COL24A1: variants seen among roughly 807,000 people sequenced by gnomAD.
COL24A1 encodes collagen type XXIV alpha 1 chain, also known as collagen alpha-1(XXIV) chain.
COL24A1 carries 224 observed loss-of-function variants against 253.9 expected under a neutral mutation model. The observed-to-expected ratio is 0.88, with a 90% confidence interval of 0.79 to 0.99. The LOEUF (loss-of-function observed/expected upper bound fraction) is 0.99, where lower values mean the gene tolerates loss of function less well. Among genes scored for constraint, COL24A1 ranks in the 50% least tolerant of loss-of-function variants. The pLI, the probability that COL24A1 is intolerant of heterozygous loss-of-function variation, is 0.00. For synonymous variants in COL24A1, 685 were observed against 673.7 expected, an observed-to-expected ratio of 1.02 and a Z score of -0.26; for missense variants, 2,131 against 2,068.5, an observed-to-expected ratio of 1.03 and a Z score of -0.59.
At chr1:85,842,483 CT>C in intron 39 of COL24A1, 90 bp from the exon 40 acceptor site, 1 of 900,444 alleles carries the variant, frequency 1.1e-6, no homozygotes, top group Non-Finnish European at 1.7e-6. Context: ...AAATTGTTAC[CT>C]TTAGATTTTT....
At chr1:85,823,794 A>T in intron 43 of COL24A1, 56 bp from the exon 44 acceptor site, 1 of 1,473,936 alleles carries the variant, frequency 6.8e-7, no homozygotes, top group Non-Finnish European at 9.5e-7. Flanking sequence ...GACTTAAGAG[A>T]ATAGGATACT....
intron 14 of COL24A1, among the ~76,000 whole-genome samples, chr1:86,025,371 C>G (rs887324857): frequency 1.3e-5 from 2 of 151,986 alleles, no homozygotes; most frequent in African/African-American, 4.8e-5. Context: ...ATAGAGAGAC[C>G]CAGAGGATAA....
At chr1:86,055,798 A>G (rs1700621081) in intron 10 of COL24A1, among the ~76,000 whole-genome samples, 2 of 152,168 alleles carry the variant, frequency 1.3e-5, no homozygotes, top group African/African-American at 4.8e-5. Flanking sequence ...AGAGAGACTG[A>G]ATAACATCAA....
intron 8 of COL24A1, among the ~76,000 whole-genome samples, chr1:86,062,169 G>A (rs1701138931): frequency 6.6e-6 from 1 of 151,928 alleles, no homozygotes; most frequent in African/African-American, 2.4e-5. Flanking sequence ...AATATAGTTT[G>A]GCAAATAATA....
At chr1:86,103,427 A>T (rs1177821003) in intron 5 of COL24A1, among the ~76,000 whole-genome samples, 1 of 152,134 alleles carries the variant, frequency 6.6e-6, no homozygotes, top group Non-Finnish European at 1.5e-5. Flanking sequence ...TCATGATGTT[A>T]GCTGGTTTTT....
chr1:86,026,375 C>T (rs553048324), intron 14 of COL24A1, among the ~76,000 whole-genome samples: 13 of 152,312 alleles, frequency 8.5e-5, no homozygotes, highest in African/African-American at 1.9e-4. Flanking sequence ...ATAATCCCCA[C>T]ATGTCAAAGG....
intron 5 of COL24A1, among the ~76,000 whole-genome samples, chr1:86,110,970 GC>G (rs1055171697): frequency 6.6e-6 from 1 of 152,224 alleles, no homozygotes; most frequent in African/African-American, 2.4e-5. Flanking sequence ...TCCGACCGTT[GC>G]CCCTGCATGA....
chr1:85,914,992 T>C (rs1685757156), intron 24 of COL24A1, among the ~76,000 whole-genome samples: 1 of 152,166 alleles, frequency 6.6e-6, no homozygotes, highest in South Asian at 2.1e-4. Flanking sequence ...CGGTTAATTT[T>C]ATGTGTCAAG....
At chr1:85,762,850 A>G (rs1666976288) in intron 53 of COL24A1, among the ~76,000 whole-genome samples, 1 of 152,234 alleles carries the variant, frequency 6.6e-6, no homozygotes, top group Non-Finnish European at 1.5e-5. Flanking sequence ...AGAGGAATTT[A>G]TCATAGAAAA....
intron 24 of COL24A1, among the ~76,000 whole-genome samples, chr1:85,940,061 T>G (rs1478382778): frequency 6.6e-6 from 1 of 152,112 alleles, no homozygotes; most frequent in Non-Finnish European, 1.5e-5. Flanking sequence ...GGGGATGAAT[T>G]GAAGAAAAAG....
At position 85,816,816 on chromosome 1, in the gene COL24A1, A is replaced by G. The variant is rs1464633070; in HGVS notation, c.3923T>C (p.Ile1308Thr). The change falls in exon 47 of 60, where the codon ATT becomes ACT. Residue 1308 changes from isoleucine to threonine, a missense_variant. Ile to Thr is a moderately conservative substitution (Grantham distance 89). Coordinates refer to ENST00000370571, the MANE Select transcript of COL24A1 (RefSeq NM_152890.7). ...ADGISGNPGK[I>T]GPPGKQGLPG... is the part of the protein sequence containing the mutation. Reference sequence around the variant, plus strand: ...AAGTCCCTGTTTTCCTGGTGGCCCAATTTTTCCAGGGTTTCCTGAAATGCC... The same window carrying G: ...AAGTCCCTGTTTTCCTGGTGGCCCAGTTTTTCCAGGGTTTCCTGAAATGCC... 1.9e-6 allele frequency: 3 copies of G among 1,613,960 alleles called. No individual in the cohort carries two copies. Among genetic ancestry groups the G allele is most frequent in the South Asian group, 1.1e-5 (1 of 91,082 alleles).
At chr1:85,779,616 T>C (rs1668950704) in intron 52 of COL24A1, among the ~76,000 whole-genome samples, 3 of 152,288 alleles carry the variant, frequency 2.0e-5, no homozygotes, top group Non-Finnish European at 2.9e-5. Context: ...TAAAAGTACT[T>C]TGGTTCAGGG....
intron 2 of COL24A1, among the ~76,000 whole-genome samples, chr1:86,143,326 C>A (rs944127251): frequency 6.6e-6 from 1 of 152,074 alleles, no homozygotes; most frequent in Non-Finnish European, 1.5e-5. Flanking sequence ...AGAAAAGAAT[C>A]AAATTTCTGG....
chr1:86,148,379 A>C (rs1652218657), intron 1 of COL24A1, among the ~76,000 whole-genome samples: 1 of 151,878 alleles, frequency 6.6e-6, no homozygotes, highest in Admixed American at 6.6e-5. Flanking sequence ...TTTAAGTTTT[A>C]GGGTACAAGT....
At chr1:85,741,280 G>A (rs1269937233) in intron 57 of COL24A1, among the ~76,000 whole-genome samples, 1 of 152,170 alleles carries the variant, frequency 6.6e-6, no homozygotes, top group Non-Finnish European at 1.5e-5. Flanking sequence ...GTGTCAACTT[G>A]TGTGTTTGGT....
chr1:86,074,500 T>C (rs1702109114), intron 7 of COL24A1, among the ~76,000 whole-genome samples: 1 of 152,164 alleles, frequency 6.6e-6, no homozygotes, highest in Non-Finnish European at 1.5e-5. Context: ...TCCCACACCG[T>C]AATAGTGGGA....
intron 37 of COL24A1, among the ~76,000 whole-genome samples, chr1:85,855,025 T>C (rs886085173): frequency 6.6e-6 from 1 of 152,146 alleles, no homozygotes; most frequent in Non-Finnish European, 1.5e-5. Context: ...TCTTGATTTG[T>C]TTCTCAGCTG....
chr1:85,937,392 G>C lies in COL24A1; in HGVS notation c.2562+23857C>G, dbSNP rs567260466. On this transcript the variant is annotated intron_variant, in intron 24 of 59. Coordinates refer to ENST00000370571, the MANE Select transcript of COL24A1 (RefSeq NM_152890.7). ...TTAGGCACCTAAAAGGAAGAATATTGTAAGACTGGGGCCAAGAAGATGTGA... is the reference window on the plus strand; with the variant it reads ...TTAGGCACCTAAAAGGAAGAATATTCTAAGACTGGGGCCAAGAAGATGTGA... Among the ~76,000 whole-genome samples, 32 of 147,838 alleles carry C rather than the reference G, an allele frequency of 2.2e-4. 4 individuals carry two copies. The highest frequency in any genetic ancestry group is 7.7e-4 in the African/African-American group (31 of 40,368).
intron 40 of COL24A1, 61 bp from the exon 41 acceptor site, chr1:85,842,182 T>C (rs1283737629): frequency 1.3e-6 from 2 of 1,534,388 alleles, no homozygotes; most frequent in African/African-American, 2.7e-5. Context: ...ATTGCATTAT[T>C]CTGAAAGGAA....
Sources: gnomAD v4.1 joint callset for allele counts (sites outside exome capture counted in the v4.1 genomes callset) on GRCh38, gnomAD v4.1.1 for gene constraint, MANE v1.5 for transcripts, NCBI Gene and HGNC (gene_info 2026-07-23, HGNC 2026-07-21) for gene names.